Variants in B4GALNT2 observed in about 807,000 individuals in gnomAD.
B4GALNT2 encodes beta-1,4-N-acetyl-galactosaminyltransferase 2 (SID blood group).
B4GALNT2 carries 42 observed loss-of-function variants against 51.1 expected under a neutral mutation model. The observed-to-expected ratio is 0.82, with a 90% CI of 0.64 to 1.06. The LOEUF is 1.06. B4GALNT2 is among the 50% of genes least tolerant of loss of function. The pLI, the probability that B4GALNT2 is intolerant of heterozygous loss-of-function variation, is 0.00. For missense variants in B4GALNT2, 602 were observed against 633.6 expected (o/e 0.95, Z 0.54); for synonymous variants, 253 against 251.7 (o/e 1.01, Z -0.05).
chr17:49,168,801 T>C lies in B4GALNT2; in HGVS notation c.1216T>C (p.Cys406Arg), dbSNP rs7224888. ...CCAACCCCTGGATGGCTTCCCCAGC[T>C]GCGTGGTGACCAGTGGCGTGGTCAA... is the stretch of plus-strand genomic sequence containing the variant. ...FFQPLDGFPS[C>R]VVTSGVVNFF... The change falls in exon 10 of 11, where the codon TGC becomes CGC. Residue 406 changes from cysteine (C) to arginine (R), a missense_variant. By Grantham distance (180) the Cys-to-Arg change is radical. Coordinates refer to ENST00000393354, the MANE Select transcript of B4GALNT2 (RefSeq NM_001159387.2). The C allele has an allele frequency of 0.11, 178,944 of 1,613,868 alleles. 11,094 individuals carry two copies. Among genetic ancestry groups the C allele is most frequent in the South Asian group, 0.19 (17,214 of 91,060 alleles).
the B4GALNT2 span, among the ~76,000 whole-genome samples, chr17:49,126,275 C>A: frequency 6.6e-6 from 1 of 152,068 alleles, no homozygotes; most frequent in Non-Finnish European, 1.5e-5. Context: ...GCAAGATGTG[C>A]TTTGTTAAAC....
upstream of B4GALNT2, among the ~76,000 whole-genome samples, chr17:49,130,041 C>G (rs79251195): frequency 1.4e-3 from 207 of 152,284 alleles, no homozygotes; most frequent in African/African-American, 4.8e-3. Flanking sequence ...CAGGCAGAAA[C>G]CCTGATCAAG....
intron 3 of B4GALNT2, among the ~76,000 whole-genome samples, chr17:49,146,715 A>C (rs2042698525): frequency 6.6e-6 from 1 of 152,184 alleles, no homozygotes; most frequent in Admixed American, 6.5e-5. Context: ...AGGGCTCCTT[A>C]AGGTGGGAAT....
At chr17:49,144,637 C>T (rs571055942) in intron 3 of B4GALNT2, among the ~76,000 whole-genome samples, 82 of 152,242 alleles carry the variant, frequency 5.4e-4, no homozygotes, top group Non-Finnish European at 9.7e-4. Flanking sequence ...TGGTGGCTCA[C>T]GCCTGTAATA....
upstream of B4GALNT2, chr17:49,132,761 C>T: frequency 2.2e-6 from 3 of 1,390,180 alleles, no homozygotes; most frequent in Non-Finnish European, 2.8e-6. Flanking sequence ...GGCTCCGTGA[C>T]ATCCGGCAGT....
At position 49,159,117 on chromosome 17, in the gene B4GALNT2, G is replaced by A. The variant is rs1418081294; in HGVS notation, c.579G>A (p.Lys193=). The change falls in exon 6 of 11, where the codon AAG becomes AAA. Residue 193 remains lysine (K), a synonymous_variant. Coordinates refer to ENST00000393354, the MANE Select transcript of B4GALNT2 (RefSeq NM_001159387.2). ...GTGTGGTGCAGGGCAGAGGCCAGAAGCAGCTGATCATTTCTACCAGTGACC... is the reference window on the plus strand; with the variant it reads ...GTGTGGTGCAGGGCAGAGGCCAGAAACAGCTGATCATTTCTACCAGTGACC... ...PDSVVQGRGQ[K]QLIISTSDRK... The A allele has an allele frequency of 1.9e-6, 3 of 1,614,106 alleles. No individual in the cohort carries two copies. The highest frequency in any genetic ancestry group is 4.5e-5 in the East Asian group (2 of 44,902).
chr17:49,164,602 A>T (rs1441540588), intron 8 of B4GALNT2, among the ~76,000 whole-genome samples: 1 of 148,318 alleles, frequency 6.7e-6, no homozygotes, highest in Non-Finnish European at 1.5e-5. Context: ...CCTGGGTTCA[A>T]GTGATTCTCC....
chr17:49,162,666 TG>T (rs1206753321), intron 7 of B4GALNT2, among the ~76,000 whole-genome samples: 3 of 152,048 alleles, frequency 2.0e-5, no homozygotes, highest in Admixed American at 2.0e-4. Context: ...CCCAGCACTT[TG>T]GGAGGCCGAG....
intron 5 of B4GALNT2, 104 bp downstream of exon 5, chr17:49,156,707 T>A: frequency 1.5e-6 from 2 of 1,331,520 alleles, no homozygotes; most frequent in South Asian, 1.3e-5. Context: ...AGATTCAAGG[T>A]CAGACATGAG....
At chr17:49,151,638 A>T (rs1207277208) in intron 3 of B4GALNT2, among the ~76,000 whole-genome samples, 1 of 151,612 alleles carries the variant, frequency 6.6e-6, no homozygotes, top group African/African-American at 2.4e-5. Flanking sequence ...CCCAGCTACT[A>T]AGGAGGCTGA....
intron 9 of B4GALNT2, among the ~76,000 whole-genome samples, chr17:49,167,522 A>G (rs2042921421): frequency 6.6e-6 from 1 of 151,590 alleles, no homozygotes; most frequent in Non-Finnish European, 1.5e-5. Context: ...TGTATTACGT[A>G]GTGGTGAAGT....
intron 5 of B4GALNT2, among the ~76,000 whole-genome samples, chr17:49,158,767 A>C (rs1029179499): frequency 3.9e-5 from 6 of 152,178 alleles, no homozygotes; most frequent in African/African-American, 1.2e-4. Flanking sequence ...GAAGCCAAGA[A>C]GAACGGAACC....
Position 49,168,861 on chromosome 17 carries a change from G to C in B4GALNT2, c.1276G>C (p.Val426Leu), listed in dbSNP as rs564089824. 3.7e-6 allele frequency: 6 copies of C among 1,613,032 alleles called. No individual in the cohort carries two copies. The highest frequency in any genetic ancestry group is 5.1e-6 in the Non-Finnish European group (6 of 1,179,980). The change falls in exon 10 of 11, where the codon GTT (valine) becomes CTT (leucine). Residue 426 changes from valine (V) to leucine (L), a missense_variant. By Grantham distance (32) the Val-to-Leu change is conservative. Coordinates refer to ENST00000393354, the MANE Select transcript of B4GALNT2 (RefSeq NM_001159387.2). ...FLAHTERLQR[V>L]GFDPRLQRVA... ...GGCCCACACGGAGCGACTCCAAAGA[G>C]TTGGCTTTGATCCCCGCCTGCAACG...
chr17:49,133,100 G>A (rs773553240), intron 1 of B4GALNT2: 1 of 1,521,096 alleles, frequency 6.6e-7, no homozygotes, highest in East Asian at 2.7e-5. Context: ...GTGTCTCGGG[G>A]ACGCCCGAGT....
At chr17:49,157,826 T>C (rs1486596735) in intron 5 of B4GALNT2, among the ~76,000 whole-genome samples, 2 of 152,226 alleles carry the variant, frequency 1.3e-5, no homozygotes, top group African/African-American at 4.8e-5. Context: ...TCCATGCTTA[T>C]CATCTCTCTT....
intron 3 of B4GALNT2, among the ~76,000 whole-genome samples, chr17:49,150,810 A>G: frequency 6.7e-6 from 1 of 149,180 alleles, no homozygotes; most frequent in Non-Finnish European, 1.5e-5. Flanking sequence ...TCCTCTGCCT[A>G]GGAAAACCAG....
intron 8 of B4GALNT2, 61 bp downstream of exon 8, chr17:49,164,336 G>A: frequency 6.8e-7 from 1 of 1,480,342 alleles, no homozygotes; most frequent in South Asian, 1.2e-5. Flanking sequence ...CCAGGGTCAG[G>A]TTCTACCCTG....
chr17:49,122,530 T>A, the B4GALNT2 span, among the ~76,000 whole-genome samples: 8 of 152,224 alleles, frequency 5.3e-5, no homozygotes, highest in Non-Finnish European at 1.2e-4. Flanking sequence ...AGGCATATTA[T>A]TAGAAGAGAA....
In B4GALNT2 at chr17:49,175,860, C is replaced by G. The variant is rs1162206360; in HGVS notation, c.*6132C>G. On this transcript the variant is annotated 3_prime_UTR_variant, in exon 11 of 11. Coordinates refer to ENST00000393354, the MANE Select transcript of B4GALNT2 (RefSeq NM_001159387.2). ...GAAAGATCTGTAGGGTCAGGTCACT[C>G]TTTTTCTTCAAAATAATGAGGGGGT... The G allele has an allele frequency of 6.6e-6, 1 of 152,190 alleles. No individual in the cohort carries two copies. The highest frequency in any genetic ancestry group is 2.4e-5 in the African/African-American group (1 of 41,436). 9.4% of individuals were successfully genotyped at this position (152,190 alleles called of 1,614,324 possible). A position where few individuals can be genotyped will look rare whatever the true frequency, so the allele number is the denominator to read the frequency against.
Sources: allele counts gnomAD v4.1 joint callset (sites outside exome capture counted in the v4.1 genomes callset), GRCh38; gene constraint gnomAD v4.1.1; transcripts MANE v1.5; gene names NCBI Gene and HGNC (gene_info 2026-07-23, HGNC 2026-07-21).